Variants in CADPS2 observed in about 807,000 individuals in gnomAD.
CADPS2 encodes calcium dependent secretion activator 2.
CADPS2 carries 93 observed loss-of-function variants against 172.5 expected under a neutral mutation model. The ratio of observed to expected loss-of-function variants is 0.54; its 90% CI spans 0.46 to 0.64. The LOEUF (loss-of-function observed/expected upper bound fraction) is 0.64, where lower values mean the gene tolerates loss of function less well. Ranked by LOEUF, CADPS2 falls within the 30% of genes least tolerant of loss-of-function variation. The pLI is 0.00. For synonymous variants in CADPS2, 546 were observed against 555.2 expected (o/e 0.98, Z 0.23); for missense variants, 1,420 against 1,565.9 (o/e 0.91, Z 1.57).
chr7:122,612,307 C>A lies in CADPS2; in HGVS notation c.1223+2874G>T, dbSNP rs923305216. 3.9e-5 allele frequency among the ~76,000 whole-genome samples: 6 copies of A among 151,962 alleles called. No individual in the cohort carries two copies. In the East Asian group the frequency reaches 1.2e-3, roughly 29 times the overall value. On this transcript the variant is annotated intron_variant, in intron 6 of 29. Coordinates refer to ENST00000449022, the MANE Select transcript of CADPS2 (RefSeq NM_017954.11). ...TTGTACATAGAAAAGTCTACAAAAT[C>A]CACTAAAAATTTTAAAGTTAATAAG...
intron 2 of CADPS2, among the ~76,000 whole-genome samples, chr7:122,678,114 C>G (rs1679022957): frequency 6.6e-6 from 1 of 152,074 alleles, no homozygotes; most frequent in African/African-American, 2.4e-5. Flanking sequence ...TGGTAATGGA[C>G]TTTGGAAAGT....
At chr7:122,802,824 G>C (rs1797945973) in intron 1 of CADPS2, among the ~76,000 whole-genome samples, 1 of 152,178 alleles carries the variant, frequency 6.6e-6, no homozygotes, top group African/African-American at 2.4e-5. Flanking sequence ...CCATTAAACT[G>C]ATGTTGCTGA....
At chr7:122,680,911 A>C in intron 2 of CADPS2, among the ~76,000 whole-genome samples, 1 of 151,892 alleles carries the variant, frequency 6.6e-6, no homozygotes, top group East Asian at 1.9e-4. Context: ...TGGATTAAGA[A>C]AATGTGGCAC....
chr7:122,481,228 C>T (rs889231179), intron 11 of CADPS2, among the ~76,000 whole-genome samples: 4 of 138,286 alleles, frequency 2.9e-5, no homozygotes, highest in East Asian at 2.1e-4. Flanking sequence ...TGCAGTGGTG[C>T]GAACGTGGCT....
chr7:122,481,233 G>A (rs938400090), intron 11 of CADPS2, among the ~76,000 whole-genome samples: 3 of 147,218 alleles, frequency 2.0e-5, no homozygotes, highest in Middle Eastern at 3.8e-3. Flanking sequence ...TGGTGCGAAC[G>A]TGGCTCACTG....
chr7:122,836,168 G>A (rs183967005), intron 1 of CADPS2, among the ~76,000 whole-genome samples: 4 of 152,022 alleles, frequency 2.6e-5, no homozygotes, highest in South Asian at 2.1e-4. Flanking sequence ...AATTTCATAT[G>A]CAGCCAAACT....
chr7:122,335,449 A>G (rs1325766799), intron 28 of CADPS2, among the ~76,000 whole-genome samples: 2 of 152,148 alleles, frequency 1.3e-5, no homozygotes, highest in Non-Finnish European at 2.9e-5. Context: ...GAGTTTCACC[A>G]TGTTGAAAGT....
chr7:122,637,541 T>G (rs117330987), intron 3 of CADPS2, among the ~76,000 whole-genome samples: 2 of 152,172 alleles, frequency 1.3e-5, no homozygotes, highest in Non-Finnish European at 2.9e-5. Context: ...AATAGCTATT[T>G]TGTCTTTTAG....
At chr7:122,737,360 G>A (rs1172874286) in intron 1 of CADPS2, among the ~76,000 whole-genome samples, 2 of 152,048 alleles carry the variant, frequency 1.3e-5, no homozygotes, top group African/African-American at 4.8e-5. Context: ...GAGTAACTGG[G>A]ATTATGGTGC....
chr7:122,782,175 T>C (rs1792907345), intron 1 of CADPS2, among the ~76,000 whole-genome samples: 1 of 152,314 alleles, frequency 6.6e-6, no homozygotes, highest in Non-Finnish European at 1.5e-5. Context: ...CTAGCAACCT[T>C]AGCAAATTTC....
At chr7:122,468,614 G>C (rs1037645339) in intron 14 of CADPS2, among the ~76,000 whole-genome samples, 4 of 152,114 alleles carry the variant, frequency 2.6e-5, no homozygotes, top group African/African-American at 9.7e-5. Context: ...TAATGATGTA[G>C]TACCTTCACA....
intron 7 of CADPS2, among the ~76,000 whole-genome samples, chr7:122,578,871 GAACA>G (rs1481568675): frequency 6.6e-6 from 1 of 152,026 alleles, no homozygotes; most frequent in Non-Finnish European, 1.5e-5. Flanking sequence ...GATGGATTCA[GAACA>G]AATACAGAAA....
intron 6 of CADPS2, among the ~76,000 whole-genome samples, chr7:122,595,673 C>T (rs544506297): frequency 6.6e-6 from 1 of 152,152 alleles, no homozygotes; most frequent in African/African-American, 2.4e-5. Context: ...TCCTTTTGGG[C>T]TCCCCCTGCA....
chr7:122,720,673 T>C (rs961843094), intron 2 of CADPS2, among the ~76,000 whole-genome samples: 5 of 151,792 alleles, frequency 3.3e-5, no homozygotes, highest in Admixed American at 6.6e-5. Flanking sequence ...GTGCGAAACT[T>C]TGGGATCTTT....
chr7:122,764,660 G>C (rs983775721), intron 1 of CADPS2, among the ~76,000 whole-genome samples: 1 of 151,784 alleles, frequency 6.6e-6, no homozygotes, highest in Non-Finnish European at 1.5e-5. Flanking sequence ...TGGTGAAAAA[G>C]GGAAGAACTC....
intron 14 of CADPS2, among the ~76,000 whole-genome samples, chr7:122,463,444 C>G (rs1028320892): frequency 2.6e-5 from 4 of 151,968 alleles, no homozygotes; most frequent in Non-Finnish European, 5.9e-5. Context: ...CTCAACCTCC[C>G]AAGATATTTT....
At chr7:122,604,259 T>C (rs986439631) in intron 6 of CADPS2, among the ~76,000 whole-genome samples, 7 of 152,156 alleles carry the variant, frequency 4.6e-5, no homozygotes, top group Non-Finnish European at 1.0e-4. Flanking sequence ...TATATCACCA[T>C]TGTTATTCAC....
At chr7:122,581,485 T>C (rs2068807601) in intron 6 of CADPS2, among the ~76,000 whole-genome samples, 195 bp from the exon 7 acceptor site, 1 of 152,176 alleles carries the variant, frequency 6.6e-6, no homozygotes, top group Non-Finnish European at 1.5e-5. Flanking sequence ...TAATAGTTAC[T>C]CAGCTATTCA....
chr7:122,819,803 C>T (rs925088690), intron 1 of CADPS2, among the ~76,000 whole-genome samples: 1 of 152,034 alleles, frequency 6.6e-6, no homozygotes, highest in Admixed American at 6.6e-5. Flanking sequence ...TGTATCCCCC[C>T]ACCTTAATTC....
Sources: allele counts gnomAD v4.1 joint callset (sites outside exome capture counted in the v4.1 genomes callset), GRCh38; gene constraint gnomAD v4.1.1; transcripts MANE v1.5; gene names NCBI Gene and HGNC (gene_info 2026-07-23, HGNC 2026-07-21).